Variants in SMURF2 observed in about 807,000 individuals in gnomAD.
The protein encoded by SMURF2 is E3 ubiquitin-protein ligase SMURF2.
In SMURF2, 48 loss-of-function variants were observed where a neutral mutation model predicts 109.6. The ratio of observed to expected loss-of-function variants is 0.44; its 90% CI spans 0.35 to 0.56. The LOEUF (loss-of-function observed/expected upper bound fraction) is 0.56. SMURF2 is among the 20% of genes least tolerant of loss of function. The probability of loss-of-function intolerance (pLI) is 0.01; values close to 1 mark genes in which losing one functional copy is unlikely to be tolerated. For missense variants in SMURF2, 575 were observed against 909.0 expected (o/e 0.63, Z 4.72); for synonymous variants, 288 against 317.1 (o/e 0.91, Z 0.97).
rs906744229 is a variant in SMURF2, at chr17:64,636,618, A to T, written c.52+25211T>A. On this transcript the variant is annotated intron_variant, in intron 1 of 18. Coordinates refer to ENST00000262435, the MANE Select transcript of SMURF2 (RefSeq NM_022739.4). ...ACTCTGCCTCAAAAAAAAAAAAAAAAAAAAAAAAAAATTAGCTGGGCATGG... is the reference window on the plus strand; with the variant it reads ...ACTCTGCCTCAAAAAAAAAAAAAAATAAAAAAAAAAATTAGCTGGGCATGG... 8.5e-4 allele frequency among the ~76,000 whole-genome samples: 127 copies of T among 149,668 alleles called. 2 individuals are homozygous for T. Among genetic ancestry groups the T allele is most frequent in the African/African-American group, 2.9e-3 (119 of 40,856 alleles).
intron 1 of SMURF2, among the ~76,000 whole-genome samples, chr17:64,631,461 A>T (rs782272647): frequency 6.6e-6 from 1 of 152,130 alleles, no homozygotes; most frequent in Non-Finnish European, 1.5e-5. Context: ...TTTAAAGATG[A>T]GAGACACATG....
chr17:64,571,427 C>A (rs1555685536), intron 10 of SMURF2, among the ~76,000 whole-genome samples: 1 of 149,626 alleles, frequency 6.7e-6, no homozygotes. Context: ...TTTTAAGAGA[C>A]AGGGTCTCCA....
At chr17:64,574,931 TA>T (rs1177362004) in intron 9 of SMURF2, among the ~76,000 whole-genome samples, 4 of 151,808 alleles carry the variant, frequency 2.6e-5, no homozygotes, top group Admixed American at 6.6e-5. Context: ...ATCATTTAGT[TA>T]AAAAAAATGA....
At chr17:64,657,970 G>A (rs1970727499) in intron 1 of SMURF2, among the ~76,000 whole-genome samples, 1 of 152,066 alleles carries the variant, frequency 6.6e-6, no homozygotes, top group Admixed American at 6.6e-5. Context: ...TAAAAGAAAA[G>A]GAAGGAGCTC....
intron 1 of SMURF2, among the ~76,000 whole-genome samples, chr17:64,651,402 T>C (rs1481243437): frequency 2.7e-5 from 4 of 146,458 alleles, no homozygotes; most frequent in African/African-American, 1.0e-4. Flanking sequence ...TGAAACCCTG[T>C]CTCTACTAAA....
In SMURF2 at chr17:64,580,932, G is replaced by C. The variant is rs782409677; in HGVS notation, c.629C>G (p.Thr210Ser). ...RPLSCFVDEN[T>S]PISGTNGATC... is the part of the protein sequence containing the mutation. ...TGCACCATTTGTTCCACTAATTGGA[G>C]TGTTCTCATCAACAAAGCAGCTAAG... Residue 210 changes from threonine to serine, a missense_variant, in exon 8 of 19, where the codon ACT becomes AGT. This residue lies in a region of SMURF2 where 151 missense variants were observed against 178.4 expected (regional missense o/e 0.85). Coordinates refer to ENST00000262435, the MANE Select transcript of SMURF2 (RefSeq NM_022739.4). The C allele has an allele frequency of 6.2e-7, 1 of 1,614,162 alleles. No individual in the cohort carries two copies. The highest frequency in any genetic ancestry group is 2.2e-5 in the East Asian group (1 of 44,878).
rs1555686521 is a variant in SMURF2, at chr17:64,580,912, C to CA, written c.648dup (p.Gly217TrpfsTer23). ...TCTGAAGACTGTCCACATGTTGCAC[C>CA]ATTTGTTCCACTAATTGGAGTGTTC... On this transcript the variant is annotated frameshift_variant, in exon 8 of 19. Coordinates refer to ENST00000262435, the MANE Select transcript of SMURF2 (RefSeq NM_022739.4). LOFTEE classifies it high-confidence loss of function. The CA allele has an allele frequency of 1.9e-6, 3 of 1,614,034 alleles. No homozygotes were observed. The African/African-American group carries it at 4.0e-5, about 22-fold the overall frequency.
intron 2 of SMURF2, among the ~76,000 whole-genome samples, chr17:64,606,151 T>C (rs1314113309): frequency 6.6e-6 from 1 of 152,142 alleles, no homozygotes; most frequent in African/African-American, 2.4e-5. Flanking sequence ...TAGGATCAAA[T>C]GTGGCAGAGA....
At chr17:64,593,270 C>A in intron 4 of SMURF2, 170 bp downstream of exon 4, 1 of 370,468 alleles carries the variant, frequency 2.7e-6, no homozygotes, top group Non-Finnish European at 4.3e-6. Context: ...TTCAGACATG[C>A]ACAAGAAGTT....
At chr17:64,640,761 A>T (rs920935816) in intron 1 of SMURF2, among the ~76,000 whole-genome samples, 1 of 152,068 alleles carries the variant, frequency 6.6e-6, no homozygotes, top group Non-Finnish European at 1.5e-5. Context: ...TGTACTAAAA[A>T]TACAAAAATT....
intron 1 of SMURF2, among the ~76,000 whole-genome samples, chr17:64,642,103 G>A (rs533096109): frequency 1.1e-4 from 16 of 152,292 alleles, no homozygotes; most frequent in African/African-American, 3.4e-4. Flanking sequence ...CATCACGCCC[G>A]GCCCTAGGGT....
chr17:64,623,093 T>G (rs1246082042), intron 1 of SMURF2, among the ~76,000 whole-genome samples: 2 of 152,166 alleles, frequency 1.3e-5, no homozygotes. Flanking sequence ...GAAGAGCTCT[T>G]TCTTACTGAT....
chr17:64,654,348 C>A (rs1363922513), intron 1 of SMURF2, among the ~76,000 whole-genome samples: 1 of 152,138 alleles, frequency 6.6e-6, no homozygotes, highest in Non-Finnish European at 1.5e-5. Flanking sequence ...CCATCAGAAG[C>A]TATTCTAAAA....
chr17:64,607,823 T>C (rs938202607), intron 1 of SMURF2, among the ~76,000 whole-genome samples: 16 of 151,018 alleles, frequency 1.1e-4, no homozygotes, highest in Non-Finnish European at 2.1e-4. Flanking sequence ...ATACAAAAAT[T>C]AGCTGGGTGT....
At chr17:64,607,831 T>C (rs1388447837) in intron 1 of SMURF2, among the ~76,000 whole-genome samples, 1 of 150,108 alleles carries the variant, frequency 6.7e-6, no homozygotes, top group Non-Finnish European at 1.5e-5. Flanking sequence ...ATTAGCTGGG[T>C]GTAGTGGCGC....
chr17:64,661,742 G>T, intron 1 of SMURF2, 87 bp downstream of exon 1: 1 of 993,072 alleles, frequency 1.0e-6, no homozygotes, highest in South Asian at 5.0e-5. Context: ...CATTGATCGC[G>T]ACCCTGGCCC....
chr17:64,612,899 T>C lies in SMURF2; in HGVS notation c.53-6259A>G, dbSNP rs117163275. 3.0e-3 allele frequency among the ~76,000 whole-genome samples: 452 copies of C among 152,286 alleles called. 1 individual carries two copies. Among genetic ancestry groups the C allele is most frequent in the Non-Finnish European group, 5.5e-3 (377 of 68,032 alleles). ...AATCAAGAGATTAAGGAAAATAACA[T>C]TAGTGTTCTAGAAGAAACAAGATTA... On this transcript the variant is annotated intron_variant, in intron 1 of 18. Transcript: ENST00000262435.
intron 10 of SMURF2, among the ~76,000 whole-genome samples, chr17:64,570,152 A>C (rs1969377442): frequency 6.6e-6 from 1 of 152,256 alleles, no homozygotes; most frequent in African/African-American, 2.4e-5. Flanking sequence ...GCCAGTTCTC[A>C]TTTAAATTTT....
chr17:64,590,383 T>G (rs569767656), intron 5 of SMURF2, among the ~76,000 whole-genome samples: 50 of 152,122 alleles, frequency 3.3e-4, no homozygotes, highest in Non-Finnish European at 6.3e-4. Context: ...CTTCAGGTGA[T>G]CCACCCGCCT....
Sources: gnomAD v4.1 joint callset for allele counts (sites outside exome capture counted in the v4.1 genomes callset) on GRCh38, gnomAD v4.1.1 for gene constraint, gnomAD v4.1.1 regional missense constraint, MANE v1.5 for transcripts, NCBI Gene and HGNC (gene_info 2026-07-23, HGNC 2026-07-21) for gene names.